Variants in UBE2O observed in about 807,000 individuals in gnomAD.
The protein encoded by UBE2O is ubiquitin conjugating enzyme E2 O, also known as (E3-independent) E2 ubiquitin-conjugating enzyme.
A neutral mutation model predicts 125.8 loss-of-function variants in UBE2O; 15 were observed. That is an observed-to-expected ratio of 0.12 (90% CI 0.08 to 0.18). UBE2O has a LOEUF of 0.18. Ranked by LOEUF, UBE2O falls within the 10% of genes least tolerant of loss-of-function variation. UBE2O has a pLI of 1.00. For synonymous variants in UBE2O, 708 were observed against 703.2 expected (o/e 1.01, Z -0.11); for missense variants, 1,280 against 1,723.6 (o/e 0.74, Z 4.56).
At chr17:76,423,199 G>A (rs1202494190) in intron 1 of UBE2O, among the ~76,000 whole-genome samples, 1 of 152,116 alleles carries the variant, frequency 6.6e-6, no homozygotes, top group Non-Finnish European at 1.5e-5. Flanking sequence ...GGCTGAGGAA[G>A]GGTCTCTTTT....
intron 1 of UBE2O, among the ~76,000 whole-genome samples, chr17:76,429,008 TCTC>T (rs2072859599): frequency 6.6e-6 from 1 of 151,624 alleles, no homozygotes. Flanking sequence ...TTCAAGCAAT[TCTC>T]CTGCCTCAGC....
At chr17:76,430,726 C>T (rs941914029) in intron 1 of UBE2O, 3 of 272,534 alleles carry the variant, frequency 1.1e-5, no homozygotes, top group South Asian at 3.5e-5. Flanking sequence ...GTTTCACAAT[C>T]CTCAGCATGT....
Position 76,402,681 on chromosome 17 carries a change from A to C in UBE2O, c.607T>G (p.Tyr203Asp). The C allele has an allele frequency of 6.2e-7, 1 of 1,614,156 alleles. No homozygotes were observed. Among genetic ancestry groups the C allele is most frequent in the Non-Finnish European group, 8.5e-7 (1 of 1,180,008 alleles). Residue 203 changes from tyrosine to aspartate, a missense_variant, in exon 4 of 18, where the codon TAC becomes GAC. By Grantham distance (160) the Tyr-to-Asp change is radical. Transcript: ENST00000319380. The surrounding 1 kb of genome is among the most constrained non-coding windows in gnomAD (Gnocchi z 5.4). Reference protein sequence around the residue: ...QHIWPFMYGDYIAYDCWLGKV... With the variant: ...QHIWPFMYGDDIAYDCWLGKV... Reference sequence around the variant, plus strand: ...CCCAGCCAGCAGTCATAGGCAATGTAGTCCCCATACATGAAGGGCTGCAGA... The same window carrying C: ...CCCAGCCAGCAGTCATAGGCAATGTCGTCCCCATACATGAAGGGCTGCAGA...
intron 1 of UBE2O, among the ~76,000 whole-genome samples, chr17:76,408,420 A>C (rs1033771910): frequency 1.3e-5 from 2 of 152,194 alleles, no homozygotes; most frequent in Non-Finnish European, 2.9e-5. Flanking sequence ...AGAGAAAATA[A>C]GCAACTCATT....
chr17:76,401,337 G>A (rs1484110938), intron 5 of UBE2O, among the ~76,000 whole-genome samples, 183 bp from the exon 6 acceptor site: 1 of 152,200 alleles, frequency 6.6e-6, no homozygotes, highest in Non-Finnish European at 1.5e-5. Context: ...GTCCGCAGAG[G>A]TCATCTGGCG....
At position 76,402,519 on chromosome 17, in the gene UBE2O, C is replaced by T; in HGVS notation, c.686+83G>A. On this transcript the variant is annotated intron_variant, in intron 4 of 17. Transcript: ENST00000319380. The surrounding 1 kb of genome is among the most constrained non-coding windows in gnomAD (Gnocchi z 5.4). ...TTGATCAAACCTGTCATCACTGTCC[C>T]CAGGAGGAAACACCCTCCTCCTCCC... 8.3e-7 allele frequency: 1 copy of T among 1,198,032 alleles called. No homozygotes were observed. The highest frequency in any genetic ancestry group is 1.7e-5 in the Admixed American group (1 of 58,798). The allele number at this position is 1,198,032 out of a possible 1,614,324, so 74.2% of individuals were successfully genotyped here.
intron 1 of UBE2O, among the ~76,000 whole-genome samples, chr17:76,443,685 G>A (rs1414659806): frequency 6.6e-6 from 1 of 152,008 alleles, no homozygotes; most frequent in Non-Finnish European, 1.5e-5. Flanking sequence ...ATGGCACAAT[G>A]GAGCTATCAA....
intron 1 of UBE2O, among the ~76,000 whole-genome samples, chr17:76,440,953 C>A (rs2073068877): frequency 6.6e-6 from 1 of 152,194 alleles, no homozygotes; most frequent in South Asian, 2.1e-4. Flanking sequence ...CCCCACAGCA[C>A]CCAGCACAGT....
chr17:76,424,342 G>A (rs868171362), intron 1 of UBE2O, among the ~76,000 whole-genome samples: 1 of 151,042 alleles, frequency 6.6e-6, no homozygotes, highest in East Asian at 2.0e-4. Context: ...CCCAGTAGCT[G>A]GGATTACAAG....
Position 76,400,431 on chromosome 17 carries a change from G to C in UBE2O, c.1004+10C>G, listed in dbSNP as rs1347857210. The C allele has an allele frequency of 6.2e-7, 1 of 1,606,616 alleles. No individual in the cohort carries two copies. Among genetic ancestry groups the C allele is most frequent in the African/African-American group, 1.3e-5 (1 of 74,892 alleles). ...TGCCCCTGGGTTGCTGGCAGTAAGG[G>C]CATGCTTACCTGCCTAGGTTTTCCT... On this transcript the variant is annotated intron_variant, in intron 7 of 17. Coordinates refer to ENST00000319380, the MANE Select transcript of UBE2O (RefSeq NM_022066.4). This position sits in a 1 kb window ranked among gnomAD's most constrained non-coding sequence, Gnocchi z 4.3.
intron 1 of UBE2O, among the ~76,000 whole-genome samples, chr17:76,415,799 G>A (rs538474665): frequency 0.015 from 2,199 of 149,704 alleles, 54 homozygotes; most frequent in African/African-American, 0.052. Flanking sequence ...GCAAGACTGT[G>A]TGTGTGTGTG....
Position 76,390,810 on chromosome 17 carries a change from AC to A in UBE2O, c.*132del. 4 of 890,754 alleles carry A rather than the reference AC, an allele frequency of 4.5e-6. No homozygotes were observed. The allele number at this position is 890,754 out of a possible 1,614,324, so 55.2% of individuals were successfully genotyped here. ...CTTCTTGCACTTCAGCATCAAACTC[AC>A]CTTGGGGAGAAGAGGGCAGTGGGTT... On this transcript the variant is annotated 3_prime_UTR_variant, in exon 18 of 18. Transcript: ENST00000319380.
chr17:76,395,343 G>GTGGTCGCCGTATCATTAAAAA lies in UBE2O; in HGVS notation c.2946+381_2946+382insTTTTTAATGATACGGCGACCA. The GTGGTCGCCGTATCATTAAAAA allele has an allele frequency of 6.4e-6, 1 of 157,420 alleles. No homozygotes were observed. Among genetic ancestry groups the GTGGTCGCCGTATCATTAAAAA allele is most frequent in the Non-Finnish European group, 1.4e-5 (1 of 71,702 alleles). 9.8% of individuals were successfully genotyped at this position (157,420 alleles called of 1,614,324 possible). A position where few individuals can be genotyped will look rare whatever the true frequency, so the allele number is the denominator to read the frequency against. ...ACTACAGGCGCCCGCATGGTGGCGG[G>GTGGTCGCCGTATCATTAAAAA]AGAGTTTTTTGTAATTTTTTTTTTT... On this transcript the variant is annotated intron_variant, in intron 15 of 17. Coordinates refer to ENST00000319380, the MANE Select transcript of UBE2O (RefSeq NM_022066.4). This position sits in a 1 kb window ranked among gnomAD's most constrained non-coding sequence, Gnocchi z 5.0.
In UBE2O at chr17:76,410,713, C is replaced by A. The variant is rs2072501027; in HGVS notation, c.418-5141G>T. Among the ~76,000 whole-genome samples the A allele has an allele frequency of 6.6e-6, 1 of 151,848 alleles. No homozygotes were observed. The stretch of plus-strand genomic sequence containing the variant: ...AAGCTATGCTGGGGGCCACTCAGAG[C>A]AGGCATTCAGGAGCCGGGGAAGCTC... On this transcript the variant is annotated intron_variant, in intron 1 of 17. Coordinates refer to ENST00000319380, the MANE Select transcript of UBE2O (RefSeq NM_022066.4). The surrounding 1 kb of genome is among the most constrained non-coding windows in gnomAD (Gnocchi z 4.0).
chr17:76,418,580 T>C (rs1001060358), intron 1 of UBE2O, among the ~76,000 whole-genome samples: 7 of 151,884 alleles, frequency 4.6e-5, no homozygotes, highest in Non-Finnish European at 8.8e-5. Flanking sequence ...TTTTTTTTTT[T>C]TTTTTTTGAG....
chr17:76,436,198 G>A (rs577119255), intron 1 of UBE2O, among the ~76,000 whole-genome samples: 1 of 152,138 alleles, frequency 6.6e-6, no homozygotes, highest in Admixed American at 6.5e-5. Context: ...AGTGAGCCGA[G>A]ATAGCACCAT....
intron 1 of UBE2O, among the ~76,000 whole-genome samples, chr17:76,425,616 C>T (rs1333103039): frequency 6.6e-6 from 1 of 152,196 alleles, no homozygotes; most frequent in African/African-American, 2.4e-5. Context: ...TGTACTCCAT[C>T]CTTTCAACAG....
In UBE2O at chr17:76,391,417, G is replaced by A. The variant is rs913342532; in HGVS notation, c.3405C>T (p.Gly1135=). 6.2e-7 allele frequency: 1 copy of A among 1,613,546 alleles called. No individual in the cohort carries two copies. Among genetic ancestry groups the A allele is most frequent in the Non-Finnish European group, 8.5e-7 (1 of 1,180,044 alleles). The part of the protein sequence containing the change: ...QEIRQHFSTG[G]WRLVNRIESW... ...ACTCGATACGGTTCACCAGCCGCCA[G>A]CCACCAGTGCTAAAGTGTTGCCTGA... The change falls in exon 18 of 18, where the codon GGC becomes GGT. Residue 1135 remains glycine, a synonymous_variant. Transcript: ENST00000319380. The surrounding 1 kb of genome is among the most constrained non-coding windows in gnomAD (Gnocchi z 8.4).
chr17:76,391,212 C>A lies in UBE2O; in HGVS notation c.3610G>T (p.Gly1204Cys). The change falls in exon 18 of 18, where the codon GGT becomes TGT. Residue 1204 changes from glycine to cysteine, a missense_variant. Transcript: ENST00000319380. This position sits in a 1 kb window ranked among gnomAD's most constrained non-coding sequence, Gnocchi z 8.4. ...CTAGCTGAGGCCAGGCCCTGGGCAC[C>A]GCCCTCTGAGTCTGAGCCCTGGGAG... is the stretch of plus-strand genomic sequence containing the variant. ...EASQGSDSEGGAQGLASASRD... is the reference protein window; with the variant it reads ...EASQGSDSEGCAQGLASASRD... 1.2e-6 allele frequency: 2 copies of A among 1,613,144 alleles called. No homozygotes were observed. The highest frequency in any genetic ancestry group is 1.7e-6 in the Non-Finnish European group (2 of 1,179,438).
Sources: gnomAD v4.1 joint callset for allele counts (sites outside exome capture counted in the v4.1 genomes callset) on GRCh38, gnomAD v4.1.1 for gene constraint, Gnocchi (gnomAD v3.1) non-coding constraint, MANE v1.5 for transcripts, NCBI Gene and HGNC (gene_info 2026-07-23, HGNC 2026-07-21) for gene names.